The following SNAP25 variants were observed in gnomAD, a reference collection of about 807,000 sequenced individuals.
The protein encoded by SNAP25 is synaptosome associated protein 25.
A neutral mutation model predicts 28.7 loss-of-function variants in SNAP25; 3 were observed. That is an observed-to-expected ratio of 0.10 (90% CI 0.05 to 0.27). The LOEUF is 0.27. Ranked by LOEUF, SNAP25 falls within the 10% of genes least tolerant of loss-of-function variation. SNAP25 has a pLI of 1.00. For missense variants in SNAP25, 117 were observed against 278.7 expected (o/e 0.42, Z 4.13); for synonymous variants, 61 against 88.1 (o/e 0.69, Z 1.72).
In SNAP25 at chr20:10,283,445, C is replaced by T. The variant is rs968737550; in HGVS notation, c.115-1279C>T. Among the ~76,000 whole-genome samples the T allele has an allele frequency of 4.6e-5, 7 of 152,296 alleles. No individual in the cohort carries two copies. The South Asian group carries it at 1.2e-3, about 27-fold the overall frequency. On this transcript the variant is annotated intron_variant, in intron 3 of 7. Coordinates refer to ENST00000254976, the MANE Select transcript of SNAP25 (RefSeq NM_130811.4). Reference sequence around the variant, plus strand: ...TGAGGCCACCCTGGGCCAGCCCTGTCCATACTACATCCTGACTTTGCCACT... The same window carrying T: ...TGAGGCCACCCTGGGCCAGCCCTGTTCATACTACATCCTGACTTTGCCACT...
At chr20:10,292,280 C>CT (rs754278168) in intron 4 of SNAP25, among the ~76,000 whole-genome samples, 1 of 152,154 alleles carries the variant, frequency 6.6e-6, no homozygotes, top group Admixed American at 6.5e-5. Context: ...GGATGTTACT[C>CT]TTTTTTTAAA....
At chr20:10,283,415 A>T (rs751201380) in intron 3 of SNAP25, among the ~76,000 whole-genome samples, 49 of 151,892 alleles carry the variant, frequency 3.2e-4, no homozygotes, top group Non-Finnish European at 6.5e-4. Context: ...GCTGTCAAGG[A>T]CTCCTGAGGC....
At chr20:10,225,916 C>T (rs1364737989) in intron 1 of SNAP25, among the ~76,000 whole-genome samples, 1 of 152,038 alleles carries the variant, frequency 6.6e-6, no homozygotes, top group Non-Finnish European at 1.5e-5. Context: ...TAGGTGCCCC[C>T]CTGAGGCCAG....
At chr20:10,223,976 C>A (rs1319319920) in intron 1 of SNAP25, among the ~76,000 whole-genome samples, 1 of 152,104 alleles carries the variant, frequency 6.6e-6, no homozygotes, top group Non-Finnish European at 1.5e-5. Context: ...TCAGAATGGG[C>A]TTATGGGGAA....
At chr20:10,295,411 TA>T (rs1217199026) in intron 5 of SNAP25, among the ~76,000 whole-genome samples, 1 of 152,100 alleles carries the variant, frequency 6.6e-6, no homozygotes, top group Non-Finnish European at 1.5e-5. Flanking sequence ...AAATAAAAAT[TA>T]AAAAAGCCAG....
At chr20:10,236,884 G>A (rs2062931907) in intron 1 of SNAP25, among the ~76,000 whole-genome samples, 1 of 151,830 alleles carries the variant, frequency 6.6e-6, no homozygotes, top group Non-Finnish European at 1.5e-5. Flanking sequence ...GACCCCTAAA[G>A]ATGAGGCCCT....
At chr20:10,296,591 TA>T (rs1428912886) in intron 5 of SNAP25, 2 of 276,816 alleles carry the variant, frequency 7.2e-6, no homozygotes, top group Non-Finnish European at 6.9e-6. Flanking sequence ...TCTCCAAATA[TA>T]ATCACATCAC....
chr20:10,225,191 A>T (rs1024291244), intron 1 of SNAP25, among the ~76,000 whole-genome samples: 7 of 151,938 alleles, frequency 4.6e-5, no homozygotes, highest in Non-Finnish European at 1.0e-4. Context: ...TGATTAATTA[A>T]ATTCATAGTC....
chr20:10,247,288 T>TG (rs1357809537), intron 1 of SNAP25, among the ~76,000 whole-genome samples: 1 of 152,146 alleles, frequency 6.6e-6, no homozygotes, highest in Non-Finnish European at 1.5e-5. Context: ...AACAACCACT[T>TG]GTTCTGATCA....
chr20:10,229,606 G>T (rs1043032911), intron 1 of SNAP25, among the ~76,000 whole-genome samples: 1 of 152,122 alleles, frequency 6.6e-6, no homozygotes, highest in Non-Finnish European at 1.5e-5. Flanking sequence ...CTACAGACAG[G>T]AGAGCTTGCT....
At position 10,272,741 on chromosome 20, in the gene SNAP25, TG is replaced by T. The variant is rs113160442; in HGVS notation, c.-63-2687del. Among the ~76,000 whole-genome samples, 1,521 of 152,316 alleles carry T rather than the reference TG, an allele frequency of 1.0e-2. 34 individuals carry two copies. Among genetic ancestry groups the T allele is most frequent in the African/African-American group, 0.034 (1,432 of 41,566 alleles). ...GATGCTCTGTCAGTTATAAAATGACTGCCCATAAAGCTAACCTCACATAAAC... is the reference window on the plus strand; with the variant it reads ...GATGCTCTGTCAGTTATAAAATGACTCCCATAAAGCTAACCTCACATAAAC... On this transcript the variant is annotated intron_variant, in intron 1 of 7. Transcript: ENST00000254976.
rs534231449 is a variant in SNAP25 at position 10,284,845 on chromosome 20, C to T, written c.163+73C>T. 1.2e-4 allele frequency: 144 copies of T among 1,184,572 alleles called. 4 individuals carry two copies. The South Asian group carries it at 1.5e-3, about 12-fold the overall frequency. 73.4% of individuals were successfully genotyped at this position (1,184,572 alleles called of 1,614,324 possible). On this transcript the variant is annotated intron_variant, in intron 4 of 7. Coordinates refer to ENST00000254976, the MANE Select transcript of SNAP25 (RefSeq NM_130811.4). ...TGCATTTTAAAATTATTTGTGCATA[C>T]GCAGATGGTCGCTTTGACATGTGTT...
chr20:10,239,277 G>T (rs363037), intron 1 of SNAP25, among the ~76,000 whole-genome samples: 21,357 of 152,182 alleles, frequency 0.14, 2,810 homozygotes, highest in African/African-American at 0.35. Flanking sequence ...CTCTGTGGCT[G>T]TAGACAATAG....
intron 1 of SNAP25, among the ~76,000 whole-genome samples, chr20:10,225,499 G>C (rs181861279): frequency 6.6e-6 from 1 of 152,264 alleles, no homozygotes; most frequent in East Asian, 1.9e-4. Context: ...AATGATGCCT[G>C]CTCCCGAATG....
chr20:10,282,225 A>G (rs944861168), intron 3 of SNAP25, among the ~76,000 whole-genome samples: 3 of 143,520 alleles, frequency 2.1e-5, no homozygotes, highest in Non-Finnish European at 4.6e-5. Context: ...GGAAGGAAGG[A>G]AGGGAAAGGA....
intron 7 of SNAP25, among the ~76,000 whole-genome samples, chr20:10,303,225 C>T (rs1286258862): frequency 1.8e-4 from 28 of 152,072 alleles, no homozygotes. Context: ...AAAGGGAGGG[C>T]TTAAGAACCA....
chr20:10,278,486 A>G (rs1250126015), intron 3 of SNAP25, among the ~76,000 whole-genome samples: 2 of 152,210 alleles, frequency 1.3e-5, no homozygotes, highest in African/African-American at 2.4e-5. Flanking sequence ...AACTTGCCCA[A>G]TGGGAGAGAT....
At chr20:10,297,147 C>T in intron 6 of SNAP25, 97 bp downstream of exon 6, 11 of 1,375,148 alleles carry the variant, frequency 8.0e-6, no homozygotes, top group East Asian at 2.6e-5. Flanking sequence ...CATTTTATTG[C>T]TCATTAATCT....
intron 1 of SNAP25, among the ~76,000 whole-genome samples, chr20:10,270,925 T>G (rs942542236): frequency 6.6e-6 from 1 of 152,188 alleles, no homozygotes; most frequent in African/African-American, 2.4e-5. Flanking sequence ...TCCATGTCAG[T>G]TAACATGAAT....
Sources: allele counts gnomAD v4.1 joint callset (sites outside exome capture counted in the v4.1 genomes callset), GRCh38; gene constraint gnomAD v4.1.1; transcripts MANE v1.5; gene names NCBI Gene and HGNC (gene_info 2026-07-23, HGNC 2026-07-21).